The following ENTREP2 variants were observed in gnomAD, a reference collection of about 807,000 sequenced individuals.
ENTREP2 encodes the protein protein ENTREP2.
At chr15:29,234,514 G>T in the ENTREP2 span, 2 of 1,403,060 alleles carry the variant, frequency 1.4e-6, no homozygotes, top group Non-Finnish European at 2.0e-6. Context: ...AACAACCAAC[G>T]GCAAGGTAAT....
the ENTREP2 span, among the ~76,000 whole-genome samples, chr15:29,524,280 C>A: frequency 2.6e-5 from 4 of 152,290 alleles, 1 homozygote; most frequent in South Asian, 8.3e-4. Flanking sequence ...TGCTCAACAT[C>A]TCTAGTCAGG....
chr15:29,472,410 TACACACACACAACACACAACACAC>T, the ENTREP2 span, among the ~76,000 whole-genome samples: 1 of 143,262 alleles, frequency 7.0e-6, no homozygotes, highest in Non-Finnish European at 1.5e-5. Flanking sequence ...AAATATTTTA[TACACACACACAACACACAACACAC>T]ACACACACAC....
chr15:29,123,532 C>T, the ENTREP2 span: 237 of 1,551,710 alleles, frequency 1.5e-4, 1 homozygote, highest in Admixed American at 2.0e-3. Context: ...AGAGCGTGGC[C>T]GCTCTTTGGA....
At chr15:29,186,435 T>C in the ENTREP2 span, among the ~76,000 whole-genome samples, 1 of 152,206 alleles carries the variant, frequency 6.6e-6, no homozygotes, top group Admixed American at 6.5e-5. Flanking sequence ...AGCACCTCCC[T>C]TAGTGGTGGC....
At chr15:29,447,821 G>C in the ENTREP2 span, among the ~76,000 whole-genome samples, 1 of 152,098 alleles carries the variant, frequency 6.6e-6, no homozygotes, top group Non-Finnish European at 1.5e-5. Flanking sequence ...CCAGCACTTT[G>C]GGAGGCCAAG....
At chr15:29,555,652 C>T in the ENTREP2 span, among the ~76,000 whole-genome samples, 1 of 152,174 alleles carries the variant, frequency 6.6e-6, no homozygotes, top group Non-Finnish European at 1.5e-5. Context: ...TTCCCAGATC[C>T]CCCACCTGCG....
At chr15:29,205,803 T>C in the ENTREP2 span, among the ~76,000 whole-genome samples, 6 of 152,246 alleles carry the variant, frequency 3.9e-5, no homozygotes, top group Admixed American at 3.3e-4. Context: ...CAGAAGTCAA[T>C]TCAACTTTTT....
chr15:29,429,042 T>G, the ENTREP2 span, among the ~76,000 whole-genome samples: 40 of 152,346 alleles, frequency 2.6e-4, no homozygotes, highest in Non-Finnish European at 5.0e-4. Flanking sequence ...TCCTGCATCC[T>G]ATGCCTGCAC....
chr15:29,206,989 C>A, the ENTREP2 span, among the ~76,000 whole-genome samples: 1 of 152,140 alleles, frequency 6.6e-6, no homozygotes, highest in South Asian at 2.1e-4. Context: ...AAACTCAGGG[C>A]CAACATAGAC....
the ENTREP2 span, chr15:29,374,569 T>C: frequency 6.6e-6 from 1 of 152,124 alleles, no homozygotes; most frequent in Non-Finnish European, 1.5e-5. Flanking sequence ...CATTTTTTTT[T>C]CCTATTTTTG....
the ENTREP2 span, among the ~76,000 whole-genome samples, chr15:29,270,816 T>C: frequency 6.6e-6 from 1 of 152,246 alleles, no homozygotes; most frequent in Non-Finnish European, 1.5e-5. Context: ...TTAGCAAATT[T>C]GTTTCTTCTC....
chr15:29,455,262 C>A, the ENTREP2 span, among the ~76,000 whole-genome samples: 1 of 152,154 alleles, frequency 6.6e-6, no homozygotes, highest in Non-Finnish European at 1.5e-5. Flanking sequence ...GCAAGCCATA[C>A]TAACCATGTG....
the ENTREP2 span, among the ~76,000 whole-genome samples, chr15:29,489,625 A>G: frequency 1.3e-5 from 2 of 152,214 alleles, no homozygotes; most frequent in Non-Finnish European, 2.9e-5. Context: ...AAATAAGAAC[A>G]TATGTATTTT....
the ENTREP2 span, chr15:29,269,908 G>A: frequency 1.5e-5 from 8 of 516,944 alleles, no homozygotes; most frequent in Non-Finnish European, 2.6e-5. Flanking sequence ...AAAAGGAACA[G>A]CGTTTTCCGT....
At chr15:29,128,826 G>T in the ENTREP2 span, 1 of 1,550,958 alleles carries the variant, frequency 6.4e-7, no homozygotes, top group Middle Eastern at 1.7e-4. Context: ...TTGGGTCCCC[G>T]GAGCTGGACT....
chr15:29,522,618 T>C, the ENTREP2 span, among the ~76,000 whole-genome samples: 2 of 152,194 alleles, frequency 1.3e-5, no homozygotes, highest in East Asian at 3.9e-4. Flanking sequence ...CCTTCCCACC[T>C]ACCCGTCTCG....
chr15:29,333,883 C>T, the ENTREP2 span, among the ~76,000 whole-genome samples: 2 of 151,856 alleles, frequency 1.3e-5, no homozygotes, highest in Non-Finnish European at 1.5e-5. Context: ...ATTTGAACAC[C>T]GAGACATGAA....
At chr15:29,595,753 A>T in the ENTREP2 span, among the ~76,000 whole-genome samples, 1 of 152,158 alleles carries the variant, frequency 6.6e-6, no homozygotes, top group African/African-American at 2.4e-5. Flanking sequence ...CATTTTGGAC[A>T]TATATTTATT....
At chr15:29,261,909 C>A in the ENTREP2 span, among the ~76,000 whole-genome samples, 1 of 138,158 alleles carries the variant, frequency 7.2e-6, no homozygotes. Flanking sequence ...GACTAAGTAT[C>A]TACTCCAGAA....
Sources: allele counts gnomAD v4.1 joint callset (sites outside exome capture counted in the v4.1 genomes callset), GRCh38; gene constraint gnomAD v4.1.1; transcripts MANE v1.5; gene names NCBI Gene and HGNC (gene_info 2026-07-23, HGNC 2026-07-21).